GABRA5: variants seen among roughly 807,000 people sequenced by gnomAD.
GABRA5 encodes gamma-aminobutyric acid type A receptor subunit alpha5.
A neutral mutation model predicts 47.3 loss-of-function variants in GABRA5; 18 were observed. That is an observed-to-expected ratio of 0.38 (90% confidence interval 0.26 to 0.56). GABRA5 has a LOEUF of 0.56. Ranked by LOEUF, GABRA5 falls within the 20% of genes least tolerant of loss-of-function variation. The probability of loss-of-function intolerance (pLI) is 0.71; values close to 1 mark genes in which losing one functional copy is unlikely to be tolerated. For synonymous variants in GABRA5, 237 were observed against 229.3 expected (o/e 1.03, Z -0.30); for missense variants, 365 against 599.3 (o/e 0.61, Z 4.08).
intron 7 of GABRA5, among the ~76,000 whole-genome samples, chr15:26,935,500 G>A (rs975991046): frequency 4.6e-5 from 7 of 152,186 alleles, no homozygotes; most frequent in East Asian, 1.9e-4. Context: ...GGCCCCAGCC[G>A]GCCTCCCCAC....
chr15:26,875,448 G>A (rs577708901), intron 3 of GABRA5, among the ~76,000 whole-genome samples: 38 of 152,318 alleles, frequency 2.5e-4, no homozygotes, highest in Admixed American at 2.0e-3. Flanking sequence ...GTACACTCTG[G>A]TGTGCATGGA....
At position 26,914,898 on chromosome 15, in the gene GABRA5, C is replaced by T; in HGVS notation, c.580+13C>T. On this transcript the variant is annotated intron_variant, in intron 7 of 10. Coordinates refer to ENST00000335625, the MANE Select transcript of GABRA5 (RefSeq NM_000810.4). ...AAATTTGGCAGCTGTAAGTTATTTT[C>T]ACAAGTAAGAGCCTTGGACATATAC... 1.2e-6 allele frequency: 2 copies of T among 1,608,178 alleles called. No individual in the cohort carries two copies. Among genetic ancestry groups the T allele is most frequent in the Non-Finnish European group, 1.7e-6 (2 of 1,174,716 alleles).
At chr15:26,874,168 T>A (rs1192996044) in intron 3 of GABRA5, among the ~76,000 whole-genome samples, 1 of 152,102 alleles carries the variant, frequency 6.6e-6, no homozygotes, top group Non-Finnish European at 1.5e-5. Context: ...TTTTAATTAA[T>A]GAGAAATTTC....
intron 6 of GABRA5, among the ~76,000 whole-genome samples, chr15:26,909,048 C>G (rs1354332804): frequency 6.6e-6 from 1 of 152,194 alleles, no homozygotes; most frequent in Non-Finnish European, 1.5e-5. Context: ...AATTTATTCT[C>G]TCACATCACT....
intron 6 of GABRA5, among the ~76,000 whole-genome samples, chr15:26,910,287 T>C (rs1258882935): frequency 1.3e-5 from 2 of 152,160 alleles, no homozygotes; most frequent in Non-Finnish European, 2.9e-5. Flanking sequence ...TAAATCCAAA[T>C]TGAAGCAATT....
intron 6 of GABRA5, among the ~76,000 whole-genome samples, chr15:26,886,286 C>G (rs543600051): frequency 6.6e-6 from 1 of 152,302 alleles, no homozygotes; most frequent in African/African-American, 2.4e-5. Context: ...TCCCAAAGTG[C>G]TGGGATTACA....
intron 6 of GABRA5, among the ~76,000 whole-genome samples, chr15:26,897,584 C>T (rs1020235251): frequency 3.3e-5 from 5 of 152,184 alleles, no homozygotes; most frequent in South Asian, 4.1e-4. Flanking sequence ...TCGGCAGATA[C>T]GCTGCATCAA....
At chr15:26,914,960 A>G (rs2140294958) in intron 7 of GABRA5, 75 bp downstream of exon 7, 1 of 1,200,412 alleles carries the variant, frequency 8.3e-7, no homozygotes, top group Non-Finnish European at 1.2e-6. Flanking sequence ...AGAAGAATTT[A>G]GGTTCTGCAT....
intron 7 of GABRA5, among the ~76,000 whole-genome samples, chr15:26,928,074 A>G (rs1160851159): frequency 6.6e-6 from 1 of 152,210 alleles, no homozygotes; most frequent in Non-Finnish European, 1.5e-5. Flanking sequence ...TATGTCATTC[A>G]TTTTATTTGT....
intron 7 of GABRA5, among the ~76,000 whole-genome samples, chr15:26,931,110 G>A (rs552144342): frequency 2.0e-5 from 3 of 152,000 alleles, no homozygotes; most frequent in South Asian, 4.2e-4. Flanking sequence ...TGTTGGCCAG[G>A]CTGGCCTTGA....
intron 7 of GABRA5, among the ~76,000 whole-genome samples, chr15:26,923,272 T>C (rs1008443417): frequency 7.9e-5 from 12 of 152,198 alleles, no homozygotes; most frequent in African/African-American, 2.9e-4. Flanking sequence ...AGCCATTATT[T>C]CAGGGTAGGT....
At chr15:26,937,096 C>T in intron 7 of GABRA5, 89 bp from the exon 8 acceptor site, 1 of 1,494,696 alleles carries the variant, frequency 6.7e-7, no homozygotes, top group Non-Finnish European at 9.3e-7. Flanking sequence ...TTCTCATCCT[C>T]TCTCTTGCTA....
Position 26,940,034 on chromosome 15 carries a change from C to G in GABRA5, c.834C>G (p.Ser278=). 6.2e-7 allele frequency: 1 copy of G among 1,613,910 alleles called. No homozygotes were observed. Among genetic ancestry groups the G allele is most frequent in the Non-Finnish European group, 8.5e-7 (1 of 1,179,866 alleles). Residue 278 remains serine, a synonymous_variant, in exon 9 of 11, where the codon TCC becomes TCG. Coordinates refer to ENST00000335625, the MANE Select transcript of GABRA5 (RefSeq NM_000810.4). ...TGACCGTGATCTTATCACAGGTGTC[C>G]TTTTGGCTGAACCGGGAATCAGTCC... ...CIMTVILSQV[S]FWLNRESVPA...
intron 6 of GABRA5, among the ~76,000 whole-genome samples, chr15:26,898,965 G>A (rs1566873031): frequency 6.6e-6 from 1 of 151,836 alleles, no homozygotes; most frequent in Non-Finnish European, 1.5e-5. Context: ...TGAACTCCTG[G>A]GCTCAAGTGA....
chr15:26,928,045 G>GAAAA (rs1230262133), intron 7 of GABRA5, among the ~76,000 whole-genome samples: 3 of 151,960 alleles, frequency 2.0e-5, no homozygotes, highest in Non-Finnish European at 4.4e-5. Context: ...GACTATTTAG[G>GAAAA]AAAAAAATAT....
intron 9 of GABRA5, among the ~76,000 whole-genome samples, chr15:26,940,794 G>A (rs1894365504): frequency 6.6e-6 from 1 of 152,072 alleles, no homozygotes. Flanking sequence ...ACTAAATTGG[G>A]AGAGCTCTAA....
chr15:26,932,973 A>C (rs963550378), intron 7 of GABRA5, among the ~76,000 whole-genome samples: 3 of 152,110 alleles, frequency 2.0e-5, no homozygotes, highest in Non-Finnish European at 2.9e-5. Flanking sequence ...GGAGAGCATC[A>C]GGAAAAATAG....
intron 9 of GABRA5, among the ~76,000 whole-genome samples, chr15:26,941,408 C>A (rs886914548): frequency 6.6e-6 from 1 of 152,042 alleles, no homozygotes; most frequent in Admixed American, 6.5e-5. Context: ...TAGAACACTT[C>A]CCCCGCAACA....
At chr15:26,872,602 G>C (rs75018784) in intron 3 of GABRA5, among the ~76,000 whole-genome samples, 2,670 of 152,280 alleles carry the variant, frequency 0.018, 93 homozygotes, top group South Asian at 0.11. Flanking sequence ...TCCAAAGAAA[G>C]AGTTTATGTG....
Sources: gnomAD v4.1 joint callset for allele counts (sites outside exome capture counted in the v4.1 genomes callset) on GRCh38, gnomAD v4.1.1 for gene constraint, MANE v1.5 for transcripts, NCBI Gene and HGNC (gene_info 2026-07-23, HGNC 2026-07-21) for gene names.